FAT3: variants seen among roughly 807,000 people sequenced by gnomAD.
FAT3 encodes FAT atypical cadherin 3, also known as protocadherin Fat 3.
A neutral mutation model predicts 310.2 loss-of-function variants in FAT3; 95 were observed. The ratio of observed to expected loss-of-function variants is 0.31; its 90% confidence interval spans 0.26 to 0.36. The LOEUF is 0.36. FAT3 is among the 10% of genes least tolerant of loss of function. The probability of loss-of-function intolerance (pLI) is 1.00; values close to 1 mark genes in which losing one functional copy is unlikely to be tolerated. For synonymous variants in FAT3, 2,314 were observed against 2,192.9 expected, an observed-to-expected ratio of 1.06 and a Z score of -1.54; for missense variants, 5,408 against 5,715.6, an observed-to-expected ratio of 0.95 and a Z score of 1.74.
chr11:92,302,042 T>TAC (rs145230719), intron 1 of FAT3, among the ~76,000 whole-genome samples: 63 of 151,746 alleles, frequency 4.2e-4, no homozygotes, highest in Non-Finnish European at 7.8e-4. Context: ...TGCATGCAGA[T>TAC]ACACACACAC....
intron 3 of FAT3, among the ~76,000 whole-genome samples, chr11:92,532,117 A>G (rs1220606504): frequency 6.6e-6 from 1 of 152,126 alleles, no homozygotes; most frequent in Non-Finnish European, 1.5e-5. Flanking sequence ...GTGATGGCAT[A>G]TAACTATAAC....
intron 1 of FAT3, among the ~76,000 whole-genome samples, chr11:92,293,355 C>A (rs1946750763): frequency 6.6e-6 from 1 of 151,126 alleles, no homozygotes; most frequent in African/African-American, 2.4e-5. Context: ...TCTTCTTTTT[C>A]AACAGTTAAA....
chr11:92,881,778 A>ACC (rs1187434330), intron 23 of FAT3, among the ~76,000 whole-genome samples: 1 of 152,212 alleles, frequency 6.6e-6, no homozygotes, highest in Non-Finnish European at 1.5e-5. Flanking sequence ...TAAGACTGAA[A>ACC]CACTTGCCTT....
At chr11:92,509,900 C>T (rs991872572) in intron 2 of FAT3, among the ~76,000 whole-genome samples, 1 of 152,140 alleles carries the variant, frequency 6.6e-6, no homozygotes, top group Non-Finnish European at 1.5e-5. Context: ...TTCATATTTT[C>T]TTCTACAGTG....
intron 1 of FAT3, among the ~76,000 whole-genome samples, chr11:92,248,683 A>C (rs979290330): frequency 6.6e-6 from 1 of 152,104 alleles, no homozygotes; most frequent in African/African-American, 2.4e-5. Flanking sequence ...AAAGAGAAAG[A>C]AGCAATTGAT....
intron 4 of FAT3, among the ~76,000 whole-genome samples, chr11:92,725,670 C>A (rs1042937665): frequency 6.6e-6 from 1 of 152,066 alleles, no homozygotes; most frequent in Non-Finnish European, 1.5e-5. Context: ...TAAGCTGTTG[C>A]CTCAGATACA....
chr11:92,343,771 G>A (rs1948336288), intron 1 of FAT3, among the ~76,000 whole-genome samples: 1 of 152,162 alleles, frequency 6.6e-6, no homozygotes, highest in South Asian at 2.1e-4. Flanking sequence ...ATGACACTCA[G>A]CTTAGTTAAC....
At chr11:92,422,494 G>A (rs1477731973) in intron 2 of FAT3, among the ~76,000 whole-genome samples, 1 of 152,166 alleles carries the variant, frequency 6.6e-6, no homozygotes, top group Non-Finnish European at 1.5e-5. Flanking sequence ...GACAGCATCT[G>A]TGAAGGCCCT....
chr11:92,333,447 G>A (rs992553459), intron 1 of FAT3, among the ~76,000 whole-genome samples: 3 of 152,096 alleles, frequency 2.0e-5, no homozygotes, highest in Admixed American at 6.6e-5. Context: ...AGCTGGCCCC[G>A]GGACCTGGGA....
intron 4 of FAT3, among the ~76,000 whole-genome samples, chr11:92,737,068 T>G (rs1156662321): frequency 6.6e-6 from 1 of 152,160 alleles, no homozygotes; most frequent in Non-Finnish European, 1.5e-5. Context: ...GGTGGCAAGG[T>G]GACATCTATT....
chr11:92,776,035 T>C (rs1946589303), intron 7 of FAT3, among the ~76,000 whole-genome samples: 1 of 152,204 alleles, frequency 6.6e-6, no homozygotes, highest in Non-Finnish European at 1.5e-5. Flanking sequence ...TCATTATAAA[T>C]GTGAATTTAA....
intron 2 of FAT3, among the ~76,000 whole-genome samples, chr11:92,370,570 T>C (rs1949157571): frequency 6.6e-6 from 1 of 152,370 alleles, no homozygotes; most frequent in South Asian, 2.1e-4. Flanking sequence ...TAAACTGAAT[T>C]AGCCTTGAAA....
chr11:92,248,137 C>CT (rs967964633), intron 1 of FAT3, among the ~76,000 whole-genome samples: 5 of 152,026 alleles, frequency 3.3e-5, no homozygotes, highest in African/African-American at 9.7e-5. Flanking sequence ...CTCATCTTTC[C>CT]TTTTTCCCTC....
intron 2 of FAT3, among the ~76,000 whole-genome samples, chr11:92,412,402 A>ATTTTTTTTTTTT (rs780298367): frequency 5.9e-5 from 6 of 101,118 alleles, no homozygotes; most frequent in Admixed American, 1.4e-4. Flanking sequence ...GACCCGGCCT[A>ATTTTTTTTTTTT]TTTTTTTTTT....
chr11:92,341,437 C>T (rs944745644), intron 1 of FAT3, among the ~76,000 whole-genome samples: 5 of 152,062 alleles, frequency 3.3e-5, no homozygotes, highest in African/African-American at 1.2e-4. Context: ...TTATATGCAC[C>T]AGTCAATAAT....
chr11:92,355,340 A>G lies in FAT3; in HGVS notation c.3228A>G (p.Gly1076=). The part of the protein sequence containing the change: ...TARDEDSGRD[G]EIQYSIRDGS... ...GAGATGAAGACTCCGGAAGGGATGG[A>G]GAGATCCAGTACTCCATCAGGGATG... Residue 1076 remains glycine, a synonymous_variant, in exon 2 of 28, where the codon GGA becomes GGG. Transcript: ENST00000525166. The G allele has an allele frequency of 6.2e-7, 1 of 1,613,838 alleles. No homozygotes were observed. The highest frequency in any genetic ancestry group is 8.5e-7 in the Non-Finnish European group (1 of 1,179,844).
intron 1 of FAT3, chr11:92,336,251 CA>C: frequency 1.8e-6 from 1 of 555,664 alleles, no homozygotes; most frequent in Non-Finnish European, 3.6e-6. Flanking sequence ...TCCAGATGTC[CA>C]AAATGGGGTC....
chr11:92,632,382 A>G lies in FAT3; in HGVS notation c.3608-65002A>G, dbSNP rs190626069. Among the ~76,000 whole-genome samples the G allele has an allele frequency of 2.4e-4, 36 of 152,324 alleles. No homozygotes were observed. In the East Asian group the frequency reaches 7.0e-3, roughly 29 times the overall value. ...TCCCCTTGTTTCCCAGGATGCTTTC[A>G]TGAAAGGCACTAATGAGAGGCAAAA... On this transcript the variant is annotated intron_variant, in intron 3 of 27. Coordinates refer to ENST00000525166, the MANE Select transcript of FAT3 (RefSeq NM_001367949.2).
intron 13 of FAT3, among the ~76,000 whole-genome samples, chr11:92,824,583 A>T (rs936929153): frequency 6.6e-6 from 1 of 152,160 alleles, no homozygotes; most frequent in Non-Finnish European, 1.5e-5. Context: ...TGCAAAATAA[A>T]TTGAGTATTT....
Sources: gnomAD v4.1 joint callset for allele counts (sites outside exome capture counted in the v4.1 genomes callset) on GRCh38, gnomAD v4.1.1 for gene constraint, MANE v1.5 for transcripts, NCBI Gene and HGNC (gene_info 2026-07-23, HGNC 2026-07-21) for gene names.